The following YARS1 variants were observed in gnomAD, a reference collection of about 807,000 sequenced individuals.
The protein encoded by YARS1 is tyrosine--tRNA ligase, cytoplasmic.
Under a neutral mutation model 62.2 loss-of-function variants are expected in YARS1, and 36 were observed. The ratio of observed to expected loss-of-function variants is 0.58; its 90% CI spans 0.44 to 0.76. The LOEUF (loss-of-function observed/expected upper bound fraction) is 0.76. YARS1 is among the 30% of genes least tolerant of loss of function. YARS1 has a pLI of 0.00. For synonymous variants in YARS1, 234 were observed against 244.9 expected, an observed-to-expected ratio of 0.96 and a Z score of 0.42; for missense variants, 524 against 639.8, an observed-to-expected ratio of 0.82 and a Z score of 1.95.
At chr1:32,808,785 C>T (rs539481854) in intron 3 of YARS1, among the ~76,000 whole-genome samples, 6 of 152,292 alleles carry the variant, frequency 3.9e-5, no homozygotes, top group East Asian at 1.9e-4. Flanking sequence ...TGAAACCCCC[C>T]GCTTCCTGAA....
intron 5 of YARS1, among the ~76,000 whole-genome samples, chr1:32,796,703 C>G (rs940249421): frequency 6.6e-6 from 1 of 151,674 alleles, no homozygotes; most frequent in Non-Finnish European, 1.5e-5. Context: ...GTGGCTCACA[C>G]CTGTAATCCC....
intron 4 of YARS1, among the ~76,000 whole-genome samples, chr1:32,803,648 G>A (rs1638364686): frequency 6.6e-6 from 1 of 152,044 alleles, no homozygotes; most frequent in Admixed American, 6.6e-5. Flanking sequence ...ATCCATTGTT[G>A]AGTGTAGCCA....
intron 8 of YARS1, among the ~76,000 whole-genome samples, 195 bp downstream of exon 8, chr1:32,786,167 T>G (rs1406257809): frequency 6.6e-6 from 1 of 152,144 alleles, no homozygotes; most frequent in Non-Finnish European, 1.5e-5. Context: ...TCAGAAAAGC[T>G]AACTGACAAG....
chr1:32,780,844 A>C (rs1178533188), intron 10 of YARS1: 4 of 627,118 alleles, frequency 6.4e-6, no homozygotes, highest in South Asian at 5.4e-5. Context: ...CCCCATGCTG[A>C]GTTCCTGGCT....
Position 32,810,611 on chromosome 1 carries a change from G to A in YARS1, c.360C>T (p.Gly120=), listed in dbSNP as rs148876259. 6 of 1,613,110 alleles carry A rather than the reference G, an allele frequency of 3.7e-6. No homozygotes were observed. Among genetic ancestry groups the A allele is most frequent in the African/African-American group, 1.3e-5 (1 of 75,006 alleles). The part of the protein sequence containing the change: ...VPLEKLKFIK[G]TDYQLSKEYT... ...CTTACTTGCTGAGCTGGTAATCAGT[G>A]CCTTTGATGAACTTGAGCTTCTCCA... is the stretch of plus-strand genomic sequence containing the variant. The change falls in exon 3 of 13, where the codon GGC becomes GGT. Residue 120 remains glycine (G), a synonymous_variant. Coordinates refer to ENST00000373477, the MANE Select transcript of YARS1 (RefSeq NM_003680.4).
intron 12 of YARS1, among the ~76,000 whole-genome samples, chr1:32,777,821 A>T (rs905388353): frequency 1.3e-5 from 2 of 152,194 alleles, no homozygotes; most frequent in Non-Finnish European, 2.9e-5. Context: ...AACAGCATTT[A>T]GTATGACTTA....
At position 32,810,896 on chromosome 1, in the gene YARS1, A is replaced by T. The variant is rs745412562; in HGVS notation, c.204+15T>A. 1 of 1,614,084 alleles carries T rather than the reference A, an allele frequency of 6.2e-7. No individual in the cohort carries two copies. Among genetic ancestry groups the T allele is most frequent in the South Asian group, 1.1e-5 (1 of 91,082 alleles). ...CTTGGGTCATTCCCCAAGGGCTTAT[A>T]GCATTAGTTCTTACCTCACACCCTG... On this transcript the variant is annotated intron_variant, in intron 2 of 12. Coordinates refer to ENST00000373477, the MANE Select transcript of YARS1 (RefSeq NM_003680.4).
At chr1:32,788,717 C>T (rs1445992995) in intron 6 of YARS1, among the ~76,000 whole-genome samples, 2 of 152,078 alleles carry the variant, frequency 1.3e-5, no homozygotes, top group African/African-American at 4.8e-5. Flanking sequence ...AGGCGTGAGC[C>T]ACCGCACCTG....
chr1:32,797,995 C>A, intron 4 of YARS1, 152 bp from the exon 5 acceptor site: 2 of 666,472 alleles, frequency 3.0e-6, no homozygotes, highest in Non-Finnish European at 5.4e-6. Flanking sequence ...CTCAGCCTCC[C>A]GAGTAGTTGG....
chr1:32,799,795 G>GT (rs1194719089), intron 4 of YARS1, among the ~76,000 whole-genome samples: 1 of 152,142 alleles, frequency 6.6e-6, no homozygotes, highest in Admixed American at 6.6e-5. Context: ...TACAGACCTA[G>GT]TTTTTTCTTT....
chr1:32,813,271 C>T (rs1317901890), intron 1 of YARS1, among the ~76,000 whole-genome samples: 1 of 152,214 alleles, frequency 6.6e-6, no homozygotes, highest in African/African-American at 2.4e-5. Context: ...GTGCCATGGT[C>T]TTTAACCTTA....
At chr1:32,789,368 T>C (rs1408614574) in intron 6 of YARS1, among the ~76,000 whole-genome samples, 1 of 152,234 alleles carries the variant, frequency 6.6e-6, no homozygotes, top group African/African-American at 2.4e-5. Flanking sequence ...GTGAGGATAC[T>C]TGTTCACAGC....
rs1653636713 is a variant in YARS1, at chr1:32,797,322, T to C, written c.591+441A>G. 2.6e-5 allele frequency among the ~76,000 whole-genome samples: 4 copies of C among 151,860 alleles called. No homozygotes were observed. The South Asian group carries it at 8.3e-4, about 32-fold the overall frequency. ...AGGCTGTCGAGGCTGTGATGAGCCA[T>C]GACCGCATTACTGCACTCTGGCCTG... On this transcript the variant is annotated intron_variant, in intron 5 of 12. Transcript: ENST00000373477.
intron 12 of YARS1, among the ~76,000 whole-genome samples, chr1:32,778,787 G>C (rs1417895617): frequency 1.4e-5 from 2 of 143,974 alleles, no homozygotes; most frequent in Non-Finnish European, 3.0e-5. Flanking sequence ...TGCCCAGGCT[G>C]GAGTGCAATG....
intron 1 of YARS1, chr1:32,816,962 C>G (rs927236942): frequency 2.6e-5 from 16 of 617,496 alleles, no homozygotes; most frequent in Non-Finnish European, 4.6e-5. Context: ...GGCTCCAACA[C>G]AAGACAACTG....
chr1:32,806,155 A>C (rs552456771), intron 4 of YARS1, among the ~76,000 whole-genome samples: 1 of 152,338 alleles, frequency 6.6e-6, no homozygotes, highest in Non-Finnish European at 1.5e-5. Flanking sequence ...TCGTTGTCTT[A>C]TACGGGCACA....
In YARS1 at chr1:32,810,785, G is replaced by A. The variant is rs768703124; in HGVS notation, c.205-19C>T. On this transcript the variant is annotated intron_variant, in intron 2 of 12. Transcript: ENST00000373477. ...TTGTTACCTGGACAAGAGATAAGGG[G>A]CCACCAAAATGTGAATTTGTCCAAT... is the stretch of plus-strand genomic sequence containing the variant. 2 of 1,613,994 alleles carry A rather than the reference G, an allele frequency of 1.2e-6. No homozygotes were observed. The highest frequency in any genetic ancestry group is 2.7e-5 in the African/African-American group (2 of 74,916).
intron 6 of YARS1, among the ~76,000 whole-genome samples, chr1:32,787,536 G>T (rs58905217): frequency 0.014 from 1,946 of 143,676 alleles, 48 homozygotes; most frequent in African/African-American, 0.048. Context: ...TTGAGACGGA[G>T]TCTCACTCTG....
Position 32,817,029 on chromosome 1 carries a change from T to C in YARS1, c.57+159A>G, listed in dbSNP as rs1397441935. ...GGGAACCCAGGGAAGGGCTGCTTGA[T>C]TGACTGACCGACCAGCAGTGAGATC... On this transcript the variant is annotated intron_variant, in intron 1 of 12. Transcript: ENST00000373477. 8.8e-6 allele frequency: 8 copies of C among 912,288 alleles called. No homozygotes were observed. In the African/African-American group the frequency reaches 1.1e-4, roughly 13 times the overall value. 56.5% of individuals were successfully genotyped at this position (912,288 alleles called of 1,614,324 possible).
Sources: gnomAD v4.1 joint callset for allele counts (sites outside exome capture counted in the v4.1 genomes callset) on GRCh38, gnomAD v4.1.1 for gene constraint, MANE v1.5 for transcripts, NCBI Gene and HGNC (gene_info 2026-07-23, HGNC 2026-07-21) for gene names.